AURKB: variants seen among roughly 807,000 people sequenced by gnomAD.
The protein encoded by AURKB is aurora kinase B.
Under a neutral mutation model 36.5 loss-of-function variants are expected in AURKB, and 28 were observed. The observed-to-expected ratio is 0.77, with a 90% CI of 0.57 to 1.05. The LOEUF is 1.05. Among genes scored for constraint, AURKB ranks in the 50% least tolerant of loss-of-function variants. The pLI is 0.00. For synonymous variants in AURKB, 175 were observed against 172.9 expected, an observed-to-expected ratio of 1.01 and a Z score of -0.09; for missense variants, 383 against 447.4, an observed-to-expected ratio of 0.86 and a Z score of 1.30.
chr17:8,206,758 T>C lies in AURKB; in HGVS notation c.529A>G (p.Thr177Ala), dbSNP rs563853963. Residue 177 changes from threonine (T) to alanine (A), a missense_variant, in exon 6 of 9, where the codon ACA becomes GCA. This residue lies in a region of AURKB where 219 missense variants were observed against 252.6 expected (regional missense o/e 0.87). Transcript: ENST00000585124. The surrounding 1 kb of genome is among the most constrained non-coding windows in gnomAD (Gnocchi z 4.2). Reference protein sequence around the residue: ...QKSCTFDEQRTATIMEELADA... With the variant: ...QKSCTFDEQRAATIMEELADA... ...TGCCCACCCGCCCGGACCGTGGCTG[T>C]TCGCTGCTCGTCAAATGTGCAGCTC... 310 of 1,613,922 alleles carry C rather than the reference T, an allele frequency of 1.9e-4. 5 individuals carry two copies. In the South Asian group the frequency reaches 3.3e-3, roughly 17 times the overall value.
chr17:8,205,230 G>A lies in AURKB; in HGVS notation c.847C>T (p.Arg283Cys), dbSNP rs1597343914. 2 of 1,613,326 alleles carry A rather than the reference G, an allele frequency of 1.2e-6. No homozygotes were observed. The highest frequency in any genetic ancestry group is 1.7e-6 in the Non-Finnish European group (2 of 1,179,556). The change falls in exon 8 of 9, where the codon CGC becomes TGC. Residue 283 changes from arginine (R) to cysteine (C), a missense_variant. Around this residue, in one of 3 missense-constraint regions of AURKB, gnomAD observed 219 missense variants for 252.6 expected, o/e 0.87. Coordinates refer to ENST00000585124, the MANE Select transcript of AURKB (RefSeq NM_004217.4). ...FESASHNETY[R>C]RIVKVDLKFP... ...CGCCCTCCCACCTTGACGATGCGGC[G>A]ATAGGTCTCGTTGTGTGATGCACTC...
At chr17:8,210,307 G>T in intron 1 of AURKB, 58 bp from the exon 2 acceptor site, 1 of 1,216,380 alleles carries the variant, frequency 8.2e-7, no homozygotes. Flanking sequence ...GAGAGGGAGG[G>T]GTTGGACCGA....
In AURKB at chr17:8,206,602, T is replaced by A; in HGVS notation, c.575A>T (p.His192Leu). Residue 192 changes from histidine (H) to leucine (L), a missense_variant, in exon 7 of 9, where the codon CAT becomes CTT. This residue lies in a region of AURKB where 219 missense variants were observed against 252.6 expected (regional missense o/e 0.87). Coordinates refer to ENST00000585124, the MANE Select transcript of AURKB (RefSeq NM_004217.4). The surrounding 1 kb of genome is among the most constrained non-coding windows in gnomAD (Gnocchi z 4.2). ...GTCTCTGTGAATCACCTTCTTCCCA[T>A]GGCAGTACATTAGAGCATCTGCCAA... ...EELADALMYC[H>L]GKKVIHRDIK... 1 of 1,614,180 alleles carries A rather than the reference T, an allele frequency of 6.2e-7. No homozygotes were observed. The highest frequency in any genetic ancestry group is 8.5e-7 in the Non-Finnish European group (1 of 1,180,036).
Position 8,206,533 on chromosome 17 carries a change from T to C in AURKB, c.644A>G (p.Lys215Arg), listed in dbSNP as rs1985305864. The C allele has an allele frequency of 6.2e-7, 1 of 1,614,170 alleles. No homozygotes were observed. Among genetic ancestry groups the C allele is most frequent in the African/African-American group, 1.3e-5 (1 of 75,046 alleles). Residue 215 changes from lysine to arginine, a missense_variant, in exon 7 of 9, where the codon AAG becomes AGG. Lys to Arg is a conservative substitution (Grantham distance 26). Transcript: ENST00000585124. The surrounding 1 kb of genome is among the most constrained non-coding windows in gnomAD (Gnocchi z 4.2). ...NLLLGLKGEL[K>R]IADFGWSVHA... ...CACAGACCAGCCGAAGTCAGCAATC[T>C]TCAGCTCTCCCTTGAGCCCTAAGAG...
intron 4 of AURKB, 36 bp from the exon 5 acceptor site, chr17:8,207,403 GT>G (rs2151473695): frequency 6.2e-7 from 1 of 1,603,380 alleles, no homozygotes; most frequent in Non-Finnish European, 8.5e-7. Context: ...CTCAGAACCG[GT>G]TTTGGTTATT....
chr17:8,208,974 T>C (rs1305434420), intron 2 of AURKB, among the ~76,000 whole-genome samples: 1 of 151,936 alleles, frequency 6.6e-6, no homozygotes, highest in Admixed American at 6.6e-5. Context: ...TTAAGGACAC[T>C]AAGAGCTACC....
Position 8,208,593 on chromosome 17 carries a change from A to AAATAAAT in AURKB, c.49-754_49-753insATTTATT, listed in dbSNP as rs1985695086. 1.0e-3 allele frequency among the ~76,000 whole-genome samples: 147 copies of AAATAAAT among 141,336 alleles called. 1 individual carries two copies. The highest frequency in any genetic ancestry group is 1.9e-3 in the Non-Finnish European group (125 of 65,164). 92.7% of individuals were successfully genotyped at this position (141,336 alleles called of 152,430 possible). A position where few individuals can be genotyped will look rare whatever the true frequency, so the allele number is the denominator to read the frequency against. ...GCAACACAGTGAGGCTCCGTCTCAAAAAATAAATAAATAAATAAATAAATA... is the reference window on the plus strand; with the variant it reads ...GCAACACAGTGAGGCTCCGTCTCAAAAATAAATAAATAAATAAATAAATAAATAAATA... On this transcript the variant is annotated intron_variant, in intron 2 of 8. Coordinates refer to ENST00000585124, the MANE Select transcript of AURKB (RefSeq NM_004217.4).
chr17:8,207,339 T>G lies in AURKB; in HGVS notation c.235A>C (p.Ile79Leu), dbSNP rs1422636488. 1.1e-5 allele frequency: 18 copies of G among 1,614,044 alleles called. No homozygotes were observed. Among genetic ancestry groups the G allele is most frequent in the Admixed American group, 1.7e-5 (1 of 59,992 alleles). The change falls in exon 5 of 9, where the codon ATT becomes CTT. Residue 79 changes from isoleucine (I) to leucine (L), a missense_variant. By Grantham distance (5) the Ile-to-Leu change is conservative (BLOSUM62 2). Transcript: ENST00000585124. Reference protein sequence around the residue: ...TRHFTIDDFEIGRPLGKGKFG... With the variant: ...TRHFTIDDFELGRPLGKGKFG... ...TTGCCTTTGCCCAGAGGACGCCCAA[T>G]CTCAAAGTCATCAATTGTGAAGTGC...
Position 8,207,919 on chromosome 17 carries a change from G to A in AURKB, c.49-79C>T, listed in dbSNP as rs2151475485. On this transcript the variant is annotated intron_variant, in intron 2 of 8. Coordinates refer to ENST00000585124, the MANE Select transcript of AURKB (RefSeq NM_004217.4). The stretch of plus-strand genomic sequence containing the variant: ...GGAATGTGCTGCAAGCAGTATTTCA[G>A]CCCCTTGCTAAAGAGCCACCCACCC... The A allele has an allele frequency of 2.4e-6, 3 of 1,226,818 alleles. No homozygotes were observed. In the South Asian group the frequency reaches 4.4e-5, roughly 18 times the overall value. The allele number at this position is 1,226,818 out of a possible 1,614,324, so 76.0% of individuals were successfully genotyped here.
At chr17:8,205,425 G>T in intron 7 of AURKB, 35 bp from the exon 8 acceptor site, 1 of 1,606,928 alleles carries the variant, frequency 6.2e-7, no homozygotes, top group Non-Finnish European at 8.5e-7. Context: ...AGGGGTCCTA[G>T]TGACATAGGA....
Position 8,207,369 on chromosome 17 carries a change from T to A in AURKB, c.207-2A>T. 6.2e-7 allele frequency: 1 copy of A among 1,611,582 alleles called. No individual in the cohort carries two copies. Among genetic ancestry groups the A allele is most frequent in the Non-Finnish European group, 8.5e-7 (1 of 1,177,874 alleles). ...AAGTCATCAATTGTGAAGTGCCGCC[T>A]GCTTAGAAAGTGGAGGAAGGCAACT... On this transcript the variant is annotated splice_acceptor_variant, in intron 4 of 8. Coordinates refer to ENST00000585124, the MANE Select transcript of AURKB (RefSeq NM_004217.4). LOFTEE classifies it high-confidence loss of function.
Position 8,207,175 on chromosome 17 carries a change from C to G in AURKB, c.398+1G>C, listed in dbSNP as rs113006369. On this transcript the variant is annotated splice_donor_variant, in intron 5 of 8. Coordinates refer to ENST00000585124, the MANE Select transcript of AURKB (RefSeq NM_004217.4). LOFTEE classifies it high-confidence loss of function. ...TCGGCTCAGGGGGCATCAACCCATA[C>G]TGCAGGTGGGCCTGGATTTCGATCT... The G allele has an allele frequency of 6.2e-7, 1 of 1,611,266 alleles. No homozygotes were observed. The highest frequency in any genetic ancestry group is 8.5e-7 in the Non-Finnish European group (1 of 1,177,888).
chr17:8,205,193 C>T (rs759252035), intron 8 of AURKB, 23 bp downstream of exon 8: 44 of 1,596,876 alleles, frequency 2.8e-5, no homozygotes, highest in Non-Finnish European at 3.3e-5. Context: ...GCAGCTGGCA[C>T]GAAGCCCAGG....
At chr17:8,208,826 C>T (rs1279283405) in intron 2 of AURKB, among the ~76,000 whole-genome samples, 1 of 152,054 alleles carries the variant, frequency 6.6e-6, no homozygotes, top group Non-Finnish European at 1.5e-5. Flanking sequence ...TCAATGAACA[C>T]CCACAATTCA....
chr17:8,206,971 T>A lies in AURKB; in HGVS notation c.399-83A>T. On this transcript the variant is annotated intron_variant, in intron 5 of 8. Transcript: ENST00000585124. The surrounding 1 kb of genome is among the most constrained non-coding windows in gnomAD (Gnocchi z 4.2). Reference sequence around the variant, plus strand: ...GATAGGAGCAAACTGGGGTCAGACGTGGCCCAGGCCGGGGACACCAGGGCT... The same window carrying A: ...GATAGGAGCAAACTGGGGTCAGACGAGGCCCAGGCCGGGGACACCAGGGCT... 6.3e-7 allele frequency: 1 copy of A among 1,597,098 alleles called. No homozygotes were observed. The highest frequency in any genetic ancestry group is 1.1e-5 in the South Asian group (1 of 89,660).
chr17:8,205,540 G>T (rs1985141347), intron 7 of AURKB, 150 bp from the exon 8 acceptor site: 1 of 924,256 alleles, frequency 1.1e-6, no homozygotes, highest in Non-Finnish European at 1.6e-6. Flanking sequence ...GTGGGGTTGG[G>T]GTGATGATAT....
rs753945703 is a variant in AURKB, at chr17:8,207,765, T to C, written c.124A>G (p.Met42Val). 9.3e-6 allele frequency: 15 copies of C among 1,613,960 alleles called. No individual in the cohort carries two copies. Among genetic ancestry groups the C allele is most frequent in the Middle Eastern group, 1.6e-4 (1 of 6,084 alleles). ...GTGGGCTGGACATTGGAGCGGCTCA[T>C]GAGGACAAGTGCAGATGGGGTGACA... The part of the protein sequence containing the change: ...EPVTPSALVL[M>V]SRSNVQPTAA... Residue 42 changes from methionine to valine, a missense_variant, in exon 3 of 9, where the codon ATG becomes GTG. Met to Val is a conservative substitution (Grantham distance 21, BLOSUM62 1). Transcript: ENST00000585124.
Position 8,206,366 on chromosome 17 carries a change from GGT to G in AURKB, c.686+123_686+124del. 1 of 1,189,368 alleles carries G rather than the reference GGT, an allele frequency of 8.4e-7. No homozygotes were observed. The highest frequency in any genetic ancestry group is 2.5e-5 in the East Asian group (1 of 39,532). The allele number at this position is 1,189,368 out of a possible 1,614,324, so 73.7% of individuals were successfully genotyped here. On this transcript the variant is annotated intron_variant, in intron 7 of 8. Transcript: ENST00000585124. The surrounding 1 kb of genome is among the most constrained non-coding windows in gnomAD (Gnocchi z 4.2). ...ATCTAGTCTCGAACTCCTGACCTCA[GGT>G]GATCCGCCCTCCTCGGCCTCCCAAA...
Position 8,206,740 on chromosome 17 carries a change from C to G in AURKB, c.537+10G>C, listed in dbSNP as rs778293353. ...CCCTACTGGCGCCCCAGGTGCCCACCCGCCCGGACCGTGGCTGTTCGCTGC... is the reference window on the plus strand; with the variant it reads ...CCCTACTGGCGCCCCAGGTGCCCACGCGCCCGGACCGTGGCTGTTCGCTGC... On this transcript the variant is annotated intron_variant, in intron 6 of 8. Coordinates refer to ENST00000585124, the MANE Select transcript of AURKB (RefSeq NM_004217.4). This position sits in a 1 kb window ranked among gnomAD's most constrained non-coding sequence, Gnocchi z 4.2. 6.2e-7 allele frequency: 1 copy of G among 1,613,136 alleles called. No individual in the cohort carries two copies. Among genetic ancestry groups the G allele is most frequent in the South Asian group, 1.1e-5 (1 of 91,032 alleles).
Sources: gnomAD v4.1 joint callset for allele counts (sites outside exome capture counted in the v4.1 genomes callset) on GRCh38, gnomAD v4.1.1 for gene constraint, gnomAD v4.1.1 regional missense constraint, Gnocchi (gnomAD v3.1) non-coding constraint, MANE v1.5 for transcripts, NCBI Gene and HGNC (gene_info 2026-07-23, HGNC 2026-07-21) for gene names.